Variants in LPXN observed in about 807,000 individuals in gnomAD.
LPXN encodes leupaxin.
In LPXN, 28 loss-of-function variants were observed where a neutral mutation model predicts 45.6. That is an observed-to-expected ratio of 0.61 (90% CI 0.45 to 0.84). LPXN has a LOEUF of 0.84. LPXN is among the 40% of genes least tolerant of loss of function. LPXN has a pLI of 0.00. For synonymous variants in LPXN, 166 were observed against 169.9 expected (o/e 0.98, Z 0.18); for missense variants, 459 against 475.0 (o/e 0.97, Z 0.31).
chr11:58,569,675 C>A (rs141068123), intron 2 of LPXN, among the ~76,000 whole-genome samples: 1 of 152,168 alleles, frequency 6.6e-6, no homozygotes. Flanking sequence ...CAGGCCTGAG[C>A]CACTGCACCT....
At chr11:58,538,130 C>T (rs969658635) in intron 7 of LPXN, among the ~76,000 whole-genome samples, 2 of 152,016 alleles carry the variant, frequency 1.3e-5, no homozygotes, top group African/African-American at 2.4e-5. Context: ...GCACAGTATT[C>T]CATGGTGTAT....
chr11:58,549,321 G>A (rs1465998304), intron 7 of LPXN, among the ~76,000 whole-genome samples: 1 of 152,160 alleles, frequency 6.6e-6, no homozygotes. Flanking sequence ...TTGAACCCAG[G>A]AGGTGGAGGT....
At chr11:58,545,018 G>A (rs1374845374) in intron 7 of LPXN, among the ~76,000 whole-genome samples, 1 of 152,124 alleles carries the variant, frequency 6.6e-6, no homozygotes, top group Non-Finnish European at 1.5e-5. Context: ...CTTGGGGTGA[G>A]GCAGGATGAC....
intron 2 of LPXN, among the ~76,000 whole-genome samples, chr11:58,564,541 C>G (rs1408894285): frequency 6.6e-6 from 1 of 151,920 alleles, no homozygotes; most frequent in Non-Finnish European, 1.5e-5. Flanking sequence ...AGGATGGTGC[C>G]TAGGAGGAGA....
At chr11:58,571,445 G>A (rs1054534722) in intron 1 of LPXN, among the ~76,000 whole-genome samples, 4 of 151,892 alleles carry the variant, frequency 2.6e-5, no homozygotes, top group Non-Finnish European at 2.9e-5. Flanking sequence ...CAAAACATAC[G>A]AGGGAAATAA....
At chr11:58,575,612 A>C in intron 1 of LPXN, 148 bp downstream of exon 1, 1 of 913,828 alleles carries the variant, frequency 1.1e-6, no homozygotes, top group Non-Finnish European at 1.8e-6. Context: ...CTCATGCTTC[A>C]CTCTTGGCAG....
intron 1 of LPXN, among the ~76,000 whole-genome samples, chr11:58,575,532 G>C (rs1002794242): frequency 6.6e-6 from 1 of 152,218 alleles, no homozygotes; most frequent in Admixed American, 6.5e-5. Context: ...TCCGCGGTTA[G>C]CACCAAACTC....
chr11:58,578,383 A>C (rs1354805177), upstream of LPXN, among the ~76,000 whole-genome samples: 2 of 152,176 alleles, frequency 1.3e-5, no homozygotes, highest in Non-Finnish European at 2.9e-5. Flanking sequence ...GCCTAGGCGA[A>C]ATAAGACTTC....
At chr11:58,571,251 G>A (rs1565206334) in intron 1 of LPXN, among the ~76,000 whole-genome samples, 2 of 151,858 alleles carry the variant, frequency 1.3e-5, no homozygotes, top group Non-Finnish European at 2.9e-5. Context: ...GAGGTGGGAG[G>A]ATCACCTGAG....
Position 58,550,079 on chromosome 11 carries a change from A to C in LPXN, c.554T>G (p.Ile185Ser). Residue 185 changes from isoleucine to serine, a missense_variant, in exon 6 of 9, where the codon ATT becomes AGT. Physicochemically the swap from Ile to Ser is moderately radical, Grantham distance 142. Coordinates refer to ENST00000395074, the MANE Select transcript of LPXN (RefSeq NM_004811.3). ...HFVCTHCKEE[I>S]GSSPFFERSG... is the part of the protein sequence containing the mutation. ...CCGCTCAAAGAAGGGACTGGAGCCA[A>C]TCTCTTCTTTGCAATGAGTACAGAC... The C allele has an allele frequency of 6.2e-7, 1 of 1,614,188 alleles. No individual in the cohort carries two copies. Among genetic ancestry groups the C allele is most frequent in the Non-Finnish European group, 8.5e-7 (1 of 1,180,028 alleles).
chr11:58,549,250 C>A (rs564968586), intron 7 of LPXN, among the ~76,000 whole-genome samples: 1 of 152,010 alleles, frequency 6.6e-6, no homozygotes, highest in Non-Finnish European at 1.5e-5. Context: ...AAAAATTAAC[C>A]GGGTGTGGTG....
chr11:58,551,169 G>C lies in LPXN; in HGVS notation c.382C>G (p.Leu128Val). 1 of 1,611,800 alleles carries C rather than the reference G, an allele frequency of 6.2e-7. No individual in the cohort carries two copies. Among genetic ancestry groups the C allele is most frequent in the Middle Eastern group, 1.7e-4 (1 of 6,056 alleles). Reference sequence around the variant, plus strand: ...TCCAGACCCCCAAGCATTGAGTCCAGGGAGGCCTTGTGATCCTGCTTGTCT... The same window carrying C: ...TCCAGACCCCCAAGCATTGAGTCCACGGAGGCCTTGTGATCCTGCTTGTCT... ...LPDKQDHKAS[L>V]DSMLGGLEQE... Residue 128 changes from leucine to valine, a missense_variant, in exon 5 of 9, where the codon CTG becomes GTG. Physicochemically the swap from Leu to Val is conservative, Grantham distance 32 (BLOSUM62 1). Coordinates refer to ENST00000395074, the MANE Select transcript of LPXN (RefSeq NM_004811.3).
rs905052562 is a variant in LPXN at position 58,564,260 on chromosome 11, G to A, written c.172-59C>T. 5 of 1,070,190 alleles carry A rather than the reference G, an allele frequency of 4.7e-6. No homozygotes were observed. In the Admixed American group the frequency reaches 7.4e-5, roughly 16 times the overall value. 66.3% of individuals were successfully genotyped at this position (1,070,190 alleles called of 1,614,324 possible). On this transcript the variant is annotated intron_variant, in intron 2 of 8. Coordinates refer to ENST00000395074, the MANE Select transcript of LPXN (RefSeq NM_004811.3). ...AATAAATTTTTGTTATCAGAATGTT[G>A]AGGCTTAATGATACCCACAGTTAAT... is the stretch of plus-strand genomic sequence containing the variant.
chr11:58,575,668 C>T (rs1364829743), intron 1 of LPXN, 92 bp downstream of exon 1: 28 of 1,383,974 alleles, frequency 2.0e-5, no homozygotes, highest in South Asian at 2.0e-4. Flanking sequence ...CCATTACTAC[C>T]CTCAGTCTAG....
At position 58,543,752 on chromosome 11, in the gene LPXN, A is replaced by C. The variant is rs192130994; in HGVS notation, c.742+6034T>G. Among the ~76,000 whole-genome samples, 3 of 152,310 alleles carry C rather than the reference A, an allele frequency of 2.0e-5. No homozygotes were observed. The East Asian group carries it at 5.8e-4, about 29-fold the overall frequency. ...GGAACTGACAGTATCAGCTGAGCACAAATAGCCCAATAATTTTGTAAATAT... is the reference window on the plus strand; with the variant it reads ...GGAACTGACAGTATCAGCTGAGCACCAATAGCCCAATAATTTTGTAAATAT... On this transcript the variant is annotated intron_variant, in intron 7 of 8. Transcript: ENST00000395074.
At chr11:58,530,557 G>A (rs1357670426) in intron 7 of LPXN, among the ~76,000 whole-genome samples, 1 of 152,166 alleles carries the variant, frequency 6.6e-6, no homozygotes, top group Non-Finnish European at 1.5e-5. Context: ...TCCAGTCAGG[G>A]GCTTATAGAT....
At chr11:58,578,268 A>G (rs933644664), upstream of LPXN, 3 of 518,790 alleles carry the variant, frequency 5.8e-6, no homozygotes. Flanking sequence ...CCCGAAAAAA[A>G]GGTAAACTCT....
chr11:58,538,401 T>G (rs944151439), intron 7 of LPXN, among the ~76,000 whole-genome samples: 1 of 151,832 alleles, frequency 6.6e-6, no homozygotes. Flanking sequence ...AGTGTAAAAG[T>G]GTTCCTATTT....
rs1320761801 is a variant in LPXN, at chr11:58,527,223, T to C, written c.*231A>G. Reference sequence around the variant, plus strand: ...CCTAGATCTAACTCCAAGTGCTTGATTGGAGAAGAGAGGGAGAAAGAGAAT... The same window carrying C: ...CCTAGATCTAACTCCAAGTGCTTGACTGGAGAAGAGAGGGAGAAAGAGAAT... On this transcript the variant is annotated 3_prime_UTR_variant, in exon 9 of 9. Coordinates refer to ENST00000395074, the MANE Select transcript of LPXN (RefSeq NM_004811.3). The C allele has an allele frequency of 4.1e-5, 20 of 489,834 alleles. 1 individual carries two copies. The highest frequency in any genetic ancestry group is 1.1e-3 in the Middle Eastern group (2 of 1,828). 30.3% of individuals were successfully genotyped at this position (489,834 alleles called of 1,614,324 possible). A position where few individuals can be genotyped will look rare whatever the true frequency, so the allele number is the denominator to read the frequency against.
Sources: allele counts gnomAD v4.1 joint callset (sites outside exome capture counted in the v4.1 genomes callset), GRCh38; gene constraint gnomAD v4.1.1; transcripts MANE v1.5; gene names NCBI Gene and HGNC (gene_info 2026-07-23, HGNC 2026-07-21).